SLC45A4: variants seen among roughly 807,000 people sequenced by gnomAD.
SLC45A4 encodes solute carrier family 45 member 4.
A neutral mutation model predicts 63.7 loss-of-function variants in SLC45A4; 32 were observed. That is an observed-to-expected ratio of 0.50 (90% CI 0.38 to 0.67). The LOEUF (loss-of-function observed/expected upper bound fraction) is 0.67, where lower values mean the gene tolerates loss of function less well. Among genes scored for constraint, SLC45A4 ranks in the 30% least tolerant of loss-of-function variants. SLC45A4 has a pLI of 0.00. For synonymous variants in SLC45A4, 535 were observed against 510.0 expected, an observed-to-expected ratio of 1.05 and a Z score of -0.66; for missense variants, 1,027 against 1,157.7, an observed-to-expected ratio of 0.89 and a Z score of 1.64.
At chr8:141,288,921 G>A (rs1830252194) in intron 1 of SLC45A4, among the ~76,000 whole-genome samples, 1 of 152,264 alleles carries the variant, frequency 6.6e-6, no homozygotes, top group African/African-American at 2.4e-5. Flanking sequence ...AGAACTTGGG[G>A]AGCAGTCTGG....
intron 2 of SLC45A4, among the ~76,000 whole-genome samples, chr8:141,228,886 C>A (rs777339262): frequency 2.6e-5 from 4 of 152,132 alleles, no homozygotes; most frequent in Non-Finnish European, 4.4e-5. Context: ...CCTCTGGGGT[C>A]CCCTAACTCA....
At chr8:141,220,379 G>A (rs1826532896) in intron 3 of SLC45A4, among the ~76,000 whole-genome samples, 1 of 152,202 alleles carries the variant, frequency 6.6e-6, no homozygotes, top group African/African-American at 2.4e-5. Flanking sequence ...CTGGGTTCAG[G>A]AGACGTGGCT....
intron 2 of SLC45A4, among the ~76,000 whole-genome samples, chr8:141,244,764 C>A (rs1031658679): frequency 1.3e-5 from 2 of 152,092 alleles, no homozygotes; most frequent in Non-Finnish European, 2.9e-5. Context: ...ATGTGACAGA[C>A]CCTGGAGTTG....
chr8:141,300,274 T>A (rs998771893), intron 1 of SLC45A4, among the ~76,000 whole-genome samples: 2 of 152,194 alleles, frequency 1.3e-5, no homozygotes, highest in Non-Finnish European at 2.9e-5. Context: ...TCAAATCTCC[T>A]CTTATGTCAT....
intron 2 of SLC45A4, chr8:141,252,257 ACTCCCAGTGGGG>A (rs1454038598): frequency 6.6e-6 from 1 of 151,904 alleles, no homozygotes; most frequent in East Asian, 1.9e-4. Flanking sequence ...GGCCCAAGAC[ACTCCCAGTGGGG>A]ACTCCCTACA....
chr8:141,208,105 A>C lies in SLC45A4; in HGVS notation c.*3467T>G, dbSNP rs1279657477. ...CTGTGTGGTGGCTAAAGCTGGACCAAAGTTAAGAAGCGAAACAGCGTGGGA... is the reference window on the plus strand; with the variant it reads ...CTGTGTGGTGGCTAAAGCTGGACCACAGTTAAGAAGCGAAACAGCGTGGGA... On this transcript the variant is annotated 3_prime_UTR_variant, in exon 9 of 9. Transcript: ENST00000517878. 2.0e-5 allele frequency: 3 copies of C among 152,264 alleles called. No individual in the cohort carries two copies. Among genetic ancestry groups the C allele is most frequent in the African/African-American group, 7.2e-5 (3 of 41,458 alleles). 9.4% of individuals were successfully genotyped at this position (152,264 alleles called of 1,614,324 possible).
chr8:141,246,315 G>C (rs914738261), intron 2 of SLC45A4, among the ~76,000 whole-genome samples: 4 of 152,168 alleles, frequency 2.6e-5, no homozygotes, highest in Non-Finnish European at 5.9e-5. Context: ...CAACAGTGAC[G>C]GCCACATACC....
chr8:141,292,035 C>T (rs1171375600), intron 1 of SLC45A4, among the ~76,000 whole-genome samples: 3 of 152,360 alleles, frequency 2.0e-5, no homozygotes, highest in South Asian at 2.1e-4. Context: ...GCTGCTCCTG[C>T]GTGCCTGGTG....
intron 1 of SLC45A4, among the ~76,000 whole-genome samples, chr8:141,264,985 T>C (rs564671783): frequency 1.7e-4 from 26 of 152,346 alleles, no homozygotes; most frequent in Admixed American, 8.5e-4. Context: ...TTAAGGCTAT[T>C]CATTCTTATA....
intron 7 of SLC45A4, among the ~76,000 whole-genome samples, chr8:141,214,570 TA>T (rs1826024006): frequency 6.6e-6 from 1 of 152,248 alleles, no homozygotes; most frequent in Admixed American, 6.5e-5. Context: ...TTTTTAATTT[TA>T]AAAGCCCAGA....
chr8:141,257,146 C>G (rs1828834738), intron 1 of SLC45A4, among the ~76,000 whole-genome samples: 1 of 152,198 alleles, frequency 6.6e-6, no homozygotes, highest in South Asian at 2.1e-4. Context: ...GGCACCACAC[C>G]CAGCCAGAAC....
In SLC45A4 at chr8:141,239,207, T is replaced by C. The variant is rs77036166; in HGVS notation, c.241+14782A>G. Among the ~76,000 whole-genome samples, 183 of 152,202 alleles carry C rather than the reference T, an allele frequency of 1.2e-3. 4 individuals carry two copies. The East Asian group carries it at 0.03, about 25-fold the overall frequency. On this transcript the variant is annotated intron_variant, in intron 2 of 8. Coordinates refer to ENST00000517878, the MANE Select transcript of SLC45A4 (RefSeq NM_001286646.2). ...GAATTATTCCTGCCAAAAAGGAAAC[T>C]GTTTAGGGTTAGCTAGGTGCTGAGT... is the stretch of plus-strand genomic sequence containing the variant.
chr8:141,228,678 C>A, intron 2 of SLC45A4: 1 of 977,976 alleles, frequency 1.0e-6, no homozygotes, highest in Non-Finnish European at 1.2e-6. Context: ...AACCGTATGG[C>A]CTTTGGCCTG....
chr8:141,269,184 G>A (rs1390615273), intron 1 of SLC45A4, among the ~76,000 whole-genome samples: 2 of 152,210 alleles, frequency 1.3e-5, no homozygotes, highest in African/African-American at 2.4e-5. Flanking sequence ...CAGCTACTAC[G>A]TCCCCGCTTT....
At chr8:141,255,934 G>A (rs183227395) in intron 1 of SLC45A4, among the ~76,000 whole-genome samples, 22 of 152,046 alleles carry the variant, frequency 1.4e-4, no homozygotes, top group South Asian at 4.1e-4. Context: ...AAAAATGTAC[G>A]CATGTGCCAA....
Position 141,211,438 on chromosome 8 carries a change from C to A in SLC45A4, c.*134G>T. 6.4e-7 allele frequency: 1 copy of A among 1,566,892 alleles called. No individual in the cohort carries two copies. The highest frequency in any genetic ancestry group is 8.6e-7 in the Non-Finnish European group (1 of 1,156,994). ...GCAGGGTGTCTGGGAGCCACCCCTG[C>A]AAATCACTGTCTTCTGCCCAGGCCC... On this transcript the variant is annotated 3_prime_UTR_variant, in exon 9 of 9. Coordinates refer to ENST00000517878, the MANE Select transcript of SLC45A4 (RefSeq NM_001286646.2).
intron 1 of SLC45A4, among the ~76,000 whole-genome samples, chr8:141,266,651 T>G (rs1211881155): frequency 1.3e-5 from 2 of 152,212 alleles, no homozygotes; most frequent in African/African-American, 2.4e-5. Flanking sequence ...GTAAAAGTAT[T>G]CGCAAAAGAC....
chr8:141,286,433 C>A (rs1830148293), intron 1 of SLC45A4, among the ~76,000 whole-genome samples: 1 of 152,334 alleles, frequency 6.6e-6, no homozygotes, highest in Non-Finnish European at 1.5e-5. Flanking sequence ...GCCAATGTAT[C>A]TTCCTGGTCC....
chr8:141,231,850 G>A (rs577389718), intron 2 of SLC45A4, among the ~76,000 whole-genome samples: 2 of 152,210 alleles, frequency 1.3e-5, no homozygotes, highest in Non-Finnish European at 2.9e-5. Flanking sequence ...ACACAGCGAC[G>A]CCTCTCAACA....
Sources: allele counts gnomAD v4.1 joint callset (sites outside exome capture counted in the v4.1 genomes callset), GRCh38; gene constraint gnomAD v4.1.1; transcripts MANE v1.5; gene names NCBI Gene and HGNC (gene_info 2026-07-23, HGNC 2026-07-21).